RGS6: variants seen among roughly 807,000 people sequenced by gnomAD.
RGS6 encodes regulator of G protein signaling 6.
Under a neutral mutation model 78.5 loss-of-function variants are expected in RGS6, and 30 were observed. That is an observed-to-expected ratio of 0.38 (90% CI 0.29 to 0.52). The LOEUF (loss-of-function observed/expected upper bound fraction) is 0.52, where lower values mean the gene tolerates loss of function less well. Ranked by LOEUF, RGS6 falls within the 20% of genes least tolerant of loss-of-function variation. The pLI, the probability that RGS6 is intolerant of heterozygous loss-of-function variation, is 0.85. For missense variants in RGS6, 495 were observed against 609.7 expected, an observed-to-expected ratio of 0.81 and a Z score of 1.98; for synonymous variants, 206 against 206.0, an observed-to-expected ratio of 1.00 and a Z score of 0.00.
chr14:72,092,250 C>T (rs2023376), intron 2 of RGS6, among the ~76,000 whole-genome samples: 38,576 of 151,426 alleles, frequency 0.25, 5,604 homozygotes, highest in Non-Finnish European at 0.34. Flanking sequence ...GGTCTCAACT[C>T]CTGACCTCAA....
chr14:72,587,512 T>A, the RGS6 span, among the ~76,000 whole-genome samples: 1 of 152,086 alleles, frequency 6.6e-6, no homozygotes, highest in African/African-American at 2.4e-5. Context: ...GCAGGTAAAA[T>A]CCACCCCATA....
intron 2 of RGS6, among the ~76,000 whole-genome samples, chr14:72,019,122 A>T (rs1396459849): frequency 6.6e-6 from 1 of 152,176 alleles, no homozygotes; most frequent in Non-Finnish European, 1.5e-5. Context: ...TGCCATTCTT[A>T]TAGAAACTCT....
At chr14:72,098,877 G>A (rs895037554) in intron 2 of RGS6, among the ~76,000 whole-genome samples, 4 of 152,114 alleles carry the variant, frequency 2.6e-5, no homozygotes, top group Non-Finnish European at 4.4e-5. Flanking sequence ...TGCTAAGTGC[G>A]TAGAGCCCTA....
At chr14:72,050,802 A>G (rs1303781438) in intron 2 of RGS6, among the ~76,000 whole-genome samples, 1 of 152,146 alleles carries the variant, frequency 6.6e-6, no homozygotes, top group African/African-American at 2.4e-5. Flanking sequence ...GTGTATAGGG[A>G]GGGCTGACTT....
intron 17 of RGS6, chr14:72,541,677 G>A: frequency 6.6e-7 from 1 of 1,506,270 alleles, no homozygotes; most frequent in South Asian, 1.2e-5. Context: ...TACTGTGCGG[G>A]TGGAGGATGG....
chr14:72,077,008 A>G (rs1236663969), intron 2 of RGS6, among the ~76,000 whole-genome samples: 2 of 150,326 alleles, frequency 1.3e-5, no homozygotes, highest in East Asian at 3.9e-4. Context: ...ATAAAGCTGT[A>G]TATATAGTCA....
At chr14:72,575,180 T>G in the RGS6 span, among the ~76,000 whole-genome samples, 1 of 152,096 alleles carries the variant, frequency 6.6e-6, no homozygotes, top group African/African-American at 2.4e-5. Context: ...CAGAGTTTAT[T>G]GTTTCAGAGG....
rs541605684 is a variant in RGS6, at chr14:71,963,740, C to T, written c.-20-1032C>T. 1.6e-3 allele frequency among the ~76,000 whole-genome samples: 245 copies of T among 152,302 alleles called. 2 individuals are homozygous for T. Among genetic ancestry groups the T allele is most frequent in the African/African-American group, 4.2e-3 (175 of 41,550 alleles). On this transcript the variant is annotated intron_variant, in intron 1 of 17. Coordinates refer to ENST00000553525, the MANE Select transcript of RGS6 (RefSeq NM_001204424.2). Reference sequence around the variant, plus strand: ...AATGATATCCCATTGTATGGATATACACGTTTTATTTATCCATTCATGCAC... The same window carrying T: ...AATGATATCCCATTGTATGGATATATACGTTTTATTTATCCATTCATGCAC...
chr14:72,451,629 T>C (rs1262920296), intron 3 of RGS6, among the ~76,000 whole-genome samples: 1 of 152,150 alleles, frequency 6.6e-6, no homozygotes, highest in East Asian at 1.9e-4. Flanking sequence ...GGGTGAGTAA[T>C]CAATCTTGGC....
At chr14:72,230,399 G>A (rs1459788415) in intron 2 of RGS6, among the ~76,000 whole-genome samples, 1 of 152,186 alleles carries the variant, frequency 6.6e-6, no homozygotes, top group Non-Finnish European at 1.5e-5. Flanking sequence ...AAAAGCACTT[G>A]TGAAAAGACA....
At chr14:72,180,510 A>G (rs2153697965) in intron 2 of RGS6, among the ~76,000 whole-genome samples, 1 of 152,380 alleles carries the variant, frequency 6.6e-6, no homozygotes, top group East Asian at 1.9e-4. Flanking sequence ...TTGGGTTATC[A>G]TAGACTCAAT....
At chr14:72,264,368 A>G (rs2058681777) in intron 2 of RGS6, among the ~76,000 whole-genome samples, 1 of 152,254 alleles carries the variant, frequency 6.6e-6, no homozygotes, top group Admixed American at 6.5e-5. Context: ...AGATAACTAT[A>G]AAGAACAAAC....
chr14:72,515,969 G>C (rs143428202), intron 14 of RGS6: 1 of 152,436 alleles, frequency 6.6e-6, no homozygotes, highest in Non-Finnish European at 1.5e-5. Flanking sequence ...CCCAGGGGGC[G>C]TGGGAAGACG....
intron 3 of RGS6, among the ~76,000 whole-genome samples, chr14:72,383,158 C>A (rs1444484076): frequency 1.7e-5 from 2 of 114,466 alleles, no homozygotes; most frequent in Non-Finnish European, 3.6e-5. Context: ...ACTATATTTA[C>A]AGCCATGAAA....
intron 2 of RGS6, among the ~76,000 whole-genome samples, chr14:72,187,252 T>G (rs1035307438): frequency 6.6e-6 from 1 of 152,260 alleles, no homozygotes; most frequent in African/African-American, 2.4e-5. Flanking sequence ...ATGTCTTGAA[T>G]AAGTTGAGAA....
chr14:72,625,043 TG>T, the RGS6 span, among the ~76,000 whole-genome samples: 1 of 152,240 alleles, frequency 6.6e-6, no homozygotes, highest in African/African-American at 2.4e-5. Flanking sequence ...GTAATATTGT[TG>T]GGGAGATACT....
intron 2 of RGS6, among the ~76,000 whole-genome samples, chr14:72,229,314 C>G (rs1427694560): frequency 6.7e-6 from 1 of 148,560 alleles, no homozygotes; most frequent in African/African-American, 2.5e-5. Context: ...TACCTAATGG[C>G]TCTCCAGACC....
At chr14:72,452,047 G>A (rs1161142561) in intron 3 of RGS6, among the ~76,000 whole-genome samples, 1 of 152,162 alleles carries the variant, frequency 6.6e-6, no homozygotes, top group Non-Finnish European at 1.5e-5. Context: ...ACTGCGCCTG[G>A]CCAGAACTAT....
At chr14:72,460,560 C>G (rs995766127) in intron 6 of RGS6, among the ~76,000 whole-genome samples, 5 of 152,192 alleles carry the variant, frequency 3.3e-5, no homozygotes, top group African/African-American at 1.2e-4. Flanking sequence ...AACTTGAACT[C>G]AGATCTGAGT....
Sources: allele counts gnomAD v4.1 joint callset (sites outside exome capture counted in the v4.1 genomes callset), GRCh38; gene constraint gnomAD v4.1.1; transcripts MANE v1.5; gene names NCBI Gene and HGNC (gene_info 2026-07-23, HGNC 2026-07-21).